Variants in UBE2L3 observed in about 807,000 individuals in gnomAD.
UBE2L3 encodes ubiquitin conjugating enzyme E2 L3.
Under a neutral mutation model 17.8 loss-of-function variants are expected in UBE2L3, and 1 was observed. The ratio of observed to expected loss-of-function variants is 0.06; its 90% CI spans 0.02 to 0.27. The LOEUF (loss-of-function observed/expected upper bound fraction) is 0.27, where lower values mean the gene tolerates loss of function less well. Among genes scored for constraint, UBE2L3 ranks in the 10% least tolerant of loss-of-function variants. UBE2L3 has a pLI of 1.00. For synonymous variants in UBE2L3, 44 were observed against 68.5 expected (o/e 0.64, Z 1.76); for missense variants, 40 against 192.6 (o/e 0.21, Z 4.69).
At chr22:21,562,518 C>T (rs1390051914) in intron 1 of UBE2L3, among the ~76,000 whole-genome samples, 1 of 151,870 alleles carries the variant, frequency 6.6e-6, no homozygotes, top group Non-Finnish European at 1.5e-5. Flanking sequence ...ACCACAAGCA[C>T]CCGCCACCAC....
chr22:21,552,901 A>G (rs1926121800), intron 1 of UBE2L3, among the ~76,000 whole-genome samples: 1 of 133,524 alleles, frequency 7.5e-6, no homozygotes, highest in African/African-American at 3.0e-5. Flanking sequence ...TTTTTTTTGT[A>G]TTTTCAGTAG....
chr22:21,589,664 C>A (rs1175213096), intron 1 of UBE2L3, among the ~76,000 whole-genome samples: 1 of 152,126 alleles, frequency 6.6e-6, no homozygotes, highest in Non-Finnish European at 1.5e-5. Flanking sequence ...GCCAGCAACA[C>A]CCTGTTGAGA....
At chr22:21,587,370 TA>T (rs1014864650) in intron 1 of UBE2L3, among the ~76,000 whole-genome samples, 1 of 151,956 alleles carries the variant, frequency 6.6e-6, no homozygotes, top group African/African-American at 2.4e-5. Context: ...TTTGTATTTT[TA>T]GTAGAGACGG....
At chr22:21,562,783 G>A (rs1315889487), upstream of UBE2L3, among the ~76,000 whole-genome samples, 1 of 150,828 alleles carries the variant, frequency 6.6e-6, no homozygotes, top group Non-Finnish European at 1.5e-5. Context: ...GGGATTACAG[G>A]CGTGAGCCAC....
At position 21,567,785 on chromosome 22, in the gene UBE2L3, T is replaced by G. The variant is rs970421526; in HGVS notation, c.27+14T>G. ...AGGCTGATGAAGGTAAAAGCCATTC[T>G]CTGGCAGCGGCCGGGCGTGGGGCGG... On this transcript the variant is annotated intron_variant, in intron 1 of 3. Coordinates refer to ENST00000342192, the MANE Select transcript of UBE2L3 (RefSeq NM_003347.4). 1 of 1,578,492 alleles carries G rather than the reference T, an allele frequency of 6.3e-7. No individual in the cohort carries two copies. The highest frequency in any genetic ancestry group is 8.6e-7 in the Non-Finnish European group (1 of 1,163,344).
intron 1 of UBE2L3, among the ~76,000 whole-genome samples, chr22:21,573,368 C>G (rs1009901228): frequency 6.6e-6 from 1 of 152,156 alleles, no homozygotes. Flanking sequence ...CACTCTGGAT[C>G]TCGTGATTGG....
chr22:21,614,580 G>A (rs556822115), intron 3 of UBE2L3: 1 of 1,367,410 alleles, frequency 7.3e-7, no homozygotes, highest in East Asian at 4.5e-5. Context: ...CCCAATTATG[G>A]CTTCTCTCAG....
intron 1 of UBE2L3, 143 bp downstream of exon 1, chr22:21,567,914 G>T (rs771027501): frequency 1.3e-6 from 2 of 1,499,164 alleles, no homozygotes; most frequent in African/African-American, 1.4e-5. Flanking sequence ...CCGCGCGCAG[G>T]CTCAAGGTGC....
At chr22:21,558,495 G>A (rs1253771710) in intron 1 of UBE2L3, among the ~76,000 whole-genome samples, 1 of 152,292 alleles carries the variant, frequency 6.6e-6, no homozygotes, top group Middle Eastern at 3.4e-3. Flanking sequence ...GCCAGGTGTG[G>A]TGGCGGGCGC....
At chr22:21,596,108 C>G (rs1410953686) in intron 2 of UBE2L3, among the ~76,000 whole-genome samples, 1 of 152,156 alleles carries the variant, frequency 6.6e-6, no homozygotes, top group Non-Finnish European at 1.5e-5. Flanking sequence ...TTGTGATCCA[C>G]CCTCCTCAGT....
intron 1 of UBE2L3, among the ~76,000 whole-genome samples, chr22:21,570,122 C>T (rs1339668136): frequency 4.6e-5 from 7 of 152,290 alleles, no homozygotes; most frequent in East Asian, 1.9e-4. Flanking sequence ...TCTTTGAGCA[C>T]TTGTCACAAT....
At chr22:21,588,849 A>G (rs1928097318) in intron 1 of UBE2L3, among the ~76,000 whole-genome samples, 1 of 151,814 alleles carries the variant, frequency 6.6e-6, no homozygotes, top group South Asian at 2.1e-4. Flanking sequence ...TTTTTAGTAG[A>G]GACGGGGTTT....
At chr22:21,589,291 G>A (rs1377283013) in intron 1 of UBE2L3, among the ~76,000 whole-genome samples, 1 of 151,690 alleles carries the variant, frequency 6.6e-6, no homozygotes, top group African/African-American at 2.4e-5. Flanking sequence ...GACTACAGGC[G>A]CCCGCCACCA....
At chr22:21,621,199 C>G (rs1427883894) in intron 3 of UBE2L3, among the ~76,000 whole-genome samples, 2 of 152,184 alleles carry the variant, frequency 1.3e-5, no homozygotes, top group African/African-American at 2.4e-5. Flanking sequence ...GAAAAAAGGG[C>G]TGGGAGTGAC....
At chr22:21,587,802 A>C (rs1928028484) in intron 1 of UBE2L3, among the ~76,000 whole-genome samples, 1 of 152,090 alleles carries the variant, frequency 6.6e-6, no homozygotes, top group Admixed American at 6.6e-5. Context: ...CATGCTTCAC[A>C]CTTTGCCCTG....
chr22:21,605,489 A>C (rs1006117104), intron 2 of UBE2L3, among the ~76,000 whole-genome samples: 6 of 151,810 alleles, frequency 4.0e-5, no homozygotes, highest in Admixed American at 3.9e-4. Context: ...TAGTATAGAT[A>C]GGGTTTCTTT....
At chr22:21,578,523 A>G (rs531143358) in intron 1 of UBE2L3, among the ~76,000 whole-genome samples, 16 of 152,204 alleles carry the variant, frequency 1.1e-4, no homozygotes, top group Non-Finnish European at 4.4e-5. Context: ...TCGGTGTCCC[A>G]GCCCTCAAGG....
intron 3 of UBE2L3, among the ~76,000 whole-genome samples, chr22:21,613,295 G>C (rs981864292): frequency 1.3e-5 from 2 of 152,190 alleles, no homozygotes; most frequent in African/African-American, 2.4e-5. Flanking sequence ...CTGCCAAAAT[G>C]CTCTGCTTTT....
chr22:21,566,512 G>A (rs193191046), upstream of UBE2L3, among the ~76,000 whole-genome samples: 201 of 152,066 alleles, frequency 1.3e-3, no homozygotes, highest in African/African-American at 4.7e-3. Context: ...CTTGAGCCTA[G>A]GAGGTCGAGG....
Sources: allele counts gnomAD v4.1 joint callset (sites outside exome capture counted in the v4.1 genomes callset), GRCh38; gene constraint gnomAD v4.1.1; transcripts MANE v1.5; gene names NCBI Gene and HGNC (gene_info 2026-07-23, HGNC 2026-07-21).